The following TEX14 variants were observed in gnomAD, a reference collection of about 807,000 sequenced individuals.
TEX14 encodes inactive serine/threonine-protein kinase TEX14.
TEX14 carries 168 observed loss-of-function variants against 178.6 expected under a neutral mutation model. The ratio of observed to expected loss-of-function variants is 0.94; its 90% CI spans 0.83 to 1.07. The LOEUF (loss-of-function observed/expected upper bound fraction) is 1.07. Among genes scored for constraint, TEX14 ranks in the 50% least tolerant of loss-of-function variants. The pLI, the probability that TEX14 is intolerant of heterozygous loss-of-function variation, is 0.00. For synonymous variants in TEX14, 626 were observed against 634.1 expected, an observed-to-expected ratio of 0.99 and a Z score of 0.19; for missense variants, 1,730 against 1,753.6, an observed-to-expected ratio of 0.99 and a Z score of 0.24.
intron 1 of TEX14, among the ~76,000 whole-genome samples, chr17:58,657,509 T>TTC (rs1327528357): frequency 7.6e-6 from 1 of 131,688 alleles, no homozygotes; most frequent in African/African-American, 2.9e-5. Context: ...ATGCTTTTTT[T>TTC]TTTTTTTTTT....
chr17:58,683,008 G>A (rs537030201), intron 1 of TEX14, among the ~76,000 whole-genome samples: 3 of 148,058 alleles, frequency 2.0e-5, no homozygotes, highest in Admixed American at 6.9e-5. Flanking sequence ...TGTCGAGATC[G>A]CGCCATTGCA....
intron 19 of TEX14, among the ~76,000 whole-genome samples, chr17:58,582,326 C>G (rs1305349636): frequency 6.6e-6 from 1 of 152,150 alleles, no homozygotes; most frequent in Non-Finnish European, 1.5e-5. Flanking sequence ...GAGGTGCGAT[C>G]TTGGCTCACT....
At chr17:58,625,939 G>A (rs989497830) in intron 3 of TEX14, among the ~76,000 whole-genome samples, 5 of 151,174 alleles carry the variant, frequency 3.3e-5, no homozygotes, top group African/African-American at 7.3e-5. Flanking sequence ...TAGTAGAGAC[G>A]GGGTTTCACC....
At chr17:58,668,853 G>C (rs1162178882) in intron 1 of TEX14, among the ~76,000 whole-genome samples, 1 of 152,120 alleles carries the variant, frequency 6.6e-6, no homozygotes, top group African/African-American at 2.4e-5. Context: ...CCTGAGGACT[G>C]GGGGGTCAAT....
Position 58,585,928 on chromosome 17 carries a change from C to A in TEX14, c.2943G>T (p.Trp981Cys). 6.2e-7 allele frequency: 1 copy of A among 1,614,028 alleles called. No homozygotes were observed. The highest frequency in any genetic ancestry group is 8.5e-7 in the Non-Finnish European group (1 of 1,180,014). The change falls in exon 18 of 32, where the codon TGG becomes TGT. Residue 981 changes from tryptophan to cysteine, a missense_variant. Transcript: ENST00000349033. ...PPIRSPENTD[W>C]QRVIEYHREN... is the part of the protein sequence containing the mutation. ...CCCTATGATACTCAATAACTCGCTG[C>A]CAATCCGTGTTTTCTGGGCTCCTAA...
In TEX14 at chr17:58,645,788, C is replaced by T. The variant is rs73329010; in HGVS notation, c.136+6078G>A. 9.1e-3 allele frequency among the ~76,000 whole-genome samples: 1,383 copies of T among 152,266 alleles called. 24 individuals carry two copies. Among genetic ancestry groups the T allele is most frequent in the African/African-American group, 0.031 (1,278 of 41,552 alleles). On this transcript the variant is annotated intron_variant, in intron 2 of 31. Coordinates refer to ENST00000349033, the MANE Select transcript of TEX14 (RefSeq NM_031272.5). ...GTTAAAGATATAGACAGTCATCCCT[C>T]GGTACCCATGGGGAACTGGTTTCAG...
intron 29 of TEX14, 96 bp downstream of exon 29, chr17:58,561,424 T>A: frequency 1.2e-6 from 1 of 842,208 alleles, no homozygotes; most frequent in Non-Finnish European, 2.0e-6. Flanking sequence ...TAAATCAATG[T>A]AATGCCATCA....
intron 3 of TEX14, among the ~76,000 whole-genome samples, chr17:58,626,433 A>G (rs1598397782): frequency 6.6e-6 from 1 of 151,984 alleles, no homozygotes; most frequent in Non-Finnish European, 1.5e-5. Flanking sequence ...AGCCGGGCAT[A>G]GTGGCGTGTG....
intron 1 of TEX14, among the ~76,000 whole-genome samples, chr17:58,688,377 C>A (rs940311825): frequency 1.2e-4 from 18 of 152,134 alleles, no homozygotes; most frequent in African/African-American, 4.3e-4. Flanking sequence ...GCCTCAGCCT[C>A]CTAAAGTGAT....
chr17:58,640,612 AGTGTGT>A (rs33931543), intron 2 of TEX14, among the ~76,000 whole-genome samples: 13 of 143,958 alleles, frequency 9.0e-5, no homozygotes, highest in African/African-American at 1.6e-4. Context: ...CTTACCTTCT[AGTGTGT>A]GTGTGTGTGT....
Position 58,593,621 on chromosome 17 carries a change from TC to T in TEX14, c.2509del (p.Glu837AsnfsTer66). ...GGCTCCTTGAGTGCACTGAAATTGT[TC>T]ATCTGTGTTCTGTTTTCCAGGGTCA... ...LCDPGKQNTD[E>X]QFQCTQGAKD... is the part of the protein sequence containing the mutation. On this transcript the variant is annotated frameshift_variant, in exon 15 of 32. Coordinates refer to ENST00000349033, the MANE Select transcript of TEX14 (RefSeq NM_031272.5). LOFTEE classifies it high-confidence loss of function. 6.2e-7 allele frequency: 1 copy of T among 1,614,150 alleles called. No homozygotes were observed. Among genetic ancestry groups the T allele is most frequent in the East Asian group, 2.2e-5 (1 of 44,884 alleles).
intron 1 of TEX14, among the ~76,000 whole-genome samples, chr17:58,683,377 C>G (rs160047): frequency 0.23 from 34,477 of 149,142 alleles, 5,091 homozygotes; most frequent in Middle Eastern, 0.44. Flanking sequence ...CATCCCCCCC[C>G]CCAAAAAAAA....
At chr17:58,592,086 A>C (rs570105536) in intron 15 of TEX14, among the ~76,000 whole-genome samples, 1 of 151,982 alleles carries the variant, frequency 6.6e-6, no homozygotes, top group Admixed American at 6.6e-5. Flanking sequence ...GAAAGAAAAA[A>C]AAATTATTGC....
At chr17:58,602,637 G>C in intron 11 of TEX14, 47 bp from the exon 12 acceptor site, 1 of 1,488,364 alleles carries the variant, frequency 6.7e-7, no homozygotes, top group Non-Finnish European at 9.2e-7. Flanking sequence ...AAACCAAAGA[G>C]TGGAGTGGGG....
Position 58,621,678 on chromosome 17 carries a change from G to C in TEX14, c.526C>G (p.Pro176Ala), listed in dbSNP as rs778472179. The C allele has an allele frequency of 1.2e-6, 2 of 1,613,988 alleles. No homozygotes were observed. The highest frequency in any genetic ancestry group is 2.7e-5 in the African/African-American group (2 of 74,928). The change falls in exon 5 of 32, where the codon CCG (proline) becomes GCG (alanine). Residue 176 changes from proline (P) to alanine (A), a missense_variant. This residue lies in a region of TEX14 where 789 missense variants were observed against 681.2 expected (regional missense o/e 1.16). Coordinates refer to ENST00000349033, the MANE Select transcript of TEX14 (RefSeq NM_031272.5). ...TGCACGAGGCCCCCACACCAGGACGGGCTGTAGACAAGCCGCTGCGGGGAG... is the reference window on the plus strand; with the variant it reads ...TGCACGAGGCCCCCACACCAGGACGCGCTGTAGACAAGCCGCTGCGGGGAG... Reference protein sequence around the residue: ...IDSPQRLVYSPSWCGGLVQGN... With the variant: ...IDSPQRLVYSASWCGGLVQGN...
intron 10 of TEX14, among the ~76,000 whole-genome samples, chr17:58,608,684 G>C (rs2045673788): frequency 6.6e-6 from 1 of 152,250 alleles, no homozygotes; most frequent in South Asian, 2.1e-4. Context: ...AATGACTGTG[G>C]TACATTTGCG....
intron 15 of TEX14, among the ~76,000 whole-genome samples, chr17:58,591,342 A>G (rs2045135179): frequency 6.6e-6 from 1 of 151,952 alleles, no homozygotes; most frequent in Non-Finnish European, 1.5e-5. Flanking sequence ...ACATGGAGAA[A>G]CTCCATCTCT....
intron 14 of TEX14, among the ~76,000 whole-genome samples, chr17:58,594,815 C>T (rs751649301): frequency 6.7e-6 from 1 of 149,408 alleles, no homozygotes; most frequent in Non-Finnish European, 1.5e-5. Context: ...AAAGTCTGTG[C>T]TCTTTATTCA....
chr17:58,623,113 A>G, intron 3 of TEX14, 101 bp from the exon 4 acceptor site: 2 of 1,050,264 alleles, frequency 1.9e-6, no homozygotes, highest in Admixed American at 5.1e-5. Flanking sequence ...CTACAAGGCA[A>G]CGTTGGTGAC....
Sources: gnomAD v4.1 joint callset for allele counts (sites outside exome capture counted in the v4.1 genomes callset) on GRCh38, gnomAD v4.1.1 for gene constraint, gnomAD v4.1.1 regional missense constraint, MANE v1.5 for transcripts, NCBI Gene and HGNC (gene_info 2026-07-23, HGNC 2026-07-21) for gene names.